PLD5: variants seen among roughly 807,000 people sequenced by gnomAD.
The protein encoded by PLD5 is inactive phospholipase D5.
A neutral mutation model predicts 61.1 loss-of-function variants in PLD5; 36 were observed. That is an observed-to-expected ratio of 0.59 (90% CI 0.45 to 0.78). The LOEUF (loss-of-function observed/expected upper bound fraction) is 0.78, where lower values mean the gene tolerates loss of function less well. Ranked by LOEUF, PLD5 falls within the 30% of genes least tolerant of loss-of-function variation. PLD5 has a pLI of 0.00. For missense variants in PLD5, 515 were observed against 644.4 expected (o/e 0.80, Z 2.17); for synonymous variants, 243 against 242.8 (o/e 1.00, Z -0.01).
chr1:242,473,888 G>GT (rs922884677), intron 1 of PLD5, among the ~76,000 whole-genome samples: 2 of 152,106 alleles, frequency 1.3e-5, no homozygotes, highest in African/African-American at 4.8e-5. Flanking sequence ...GTACCACTGA[G>GT]TTTTTTTAAA....
At chr1:242,467,381 T>C (rs1005766568) in intron 1 of PLD5, among the ~76,000 whole-genome samples, 5 of 152,192 alleles carry the variant, frequency 3.3e-5, no homozygotes, top group African/African-American at 4.8e-5. Context: ...GTGGTTATAG[T>C]AGTCTGTGCA....
rs1205545236 is a variant in PLD5, at chr1:242,125,141, C to A, written c.736-476G>T. 2.0e-5 allele frequency among the ~76,000 whole-genome samples: 3 copies of A among 152,150 alleles called. No individual in the cohort carries two copies. In the East Asian group the frequency reaches 5.8e-4, roughly 29 times the overall value. On this transcript the variant is annotated intron_variant, in intron 5 of 9. Transcript: ENST00000536534. ...TAGCTGTGTGACTTTGAACAACATACTTAATTTCTGGGCCTCAGCTTCTTC... is the reference window on the plus strand; with the variant it reads ...TAGCTGTGTGACTTTGAACAACATAATTAATTTCTGGGCCTCAGCTTCTTC...
intron 4 of PLD5, among the ~76,000 whole-genome samples, chr1:242,254,547 G>A (rs951852508): frequency 4.6e-5 from 7 of 152,108 alleles, no homozygotes; most frequent in African/African-American, 9.7e-5. Context: ...GTGGGCACCT[G>A]TAATCCCAGC....
chr1:242,448,030 ATTATTTAT>A lies in PLD5; in HGVS notation c.189+76050_189+76057del, dbSNP rs538224233. Among the ~76,000 whole-genome samples, 5 of 152,262 alleles carry A rather than the reference ATTATTTAT, an allele frequency of 3.3e-5. No homozygotes were observed. In the South Asian group the frequency reaches 1.0e-3, roughly 32 times the overall value. On this transcript the variant is annotated intron_variant, in intron 1 of 9. Transcript: ENST00000536534. ...TTTAATCCTCATGCTAGATATGTGC[ATTATTTAT>A]TTATTTATTTATTTATTTTTACCCA... is the stretch of plus-strand genomic sequence containing the variant.
intron 3 of PLD5, among the ~76,000 whole-genome samples, chr1:242,276,720 T>C (rs1228666977): frequency 1.3e-5 from 2 of 151,842 alleles, no homozygotes; most frequent in African/African-American, 4.8e-5. Context: ...AGCACCTTGA[T>C]TGACAGTACT....
chr1:242,240,067 C>CTAGT (rs1671898685), intron 4 of PLD5, among the ~76,000 whole-genome samples: 1 of 152,232 alleles, frequency 6.6e-6, no homozygotes, highest in Non-Finnish European at 1.5e-5. Flanking sequence ...CTGTTCTTAA[C>CTAGT]TGTCAACCTC....
chr1:242,508,899 G>A (rs981714998), intron 1 of PLD5, among the ~76,000 whole-genome samples: 1 of 152,146 alleles, frequency 6.6e-6, no homozygotes, highest in Non-Finnish European at 1.5e-5. Context: ...TGGCCAACGT[G>A]GGAAAACCCC....
chr1:242,390,090 ACTTT>A (rs1662842125), intron 1 of PLD5, among the ~76,000 whole-genome samples: 1 of 150,348 alleles, frequency 6.7e-6, no homozygotes, highest in Non-Finnish European at 1.5e-5. Context: ...GCGCCATCTC[ACTTT>A]GTCTCCCAGG....
intron 3 of PLD5, among the ~76,000 whole-genome samples, chr1:242,277,826 T>C (rs151201204): frequency 0.019 from 2,904 of 151,522 alleles, 82 homozygotes; most frequent in African/African-American, 0.063. Context: ...CTACTGAAAA[T>C]ACAAAAATTA....
intron 4 of PLD5, among the ~76,000 whole-genome samples, chr1:242,254,406 A>T (rs1350356706): frequency 6.6e-6 from 1 of 151,866 alleles, no homozygotes; most frequent in African/African-American, 2.4e-5. Context: ...GTGGTGGCTC[A>T]CGCCTGTAAT....
At chr1:242,304,423 T>C (rs1453850349) in intron 2 of PLD5, among the ~76,000 whole-genome samples, 3 of 152,220 alleles carry the variant, frequency 2.0e-5, no homozygotes, top group Non-Finnish European at 4.4e-5. Flanking sequence ...TTTTTCTAAA[T>C]GTATCTTTTC....
chr1:242,500,335 A>C (rs1668513550), intron 1 of PLD5, among the ~76,000 whole-genome samples: 1 of 152,256 alleles, frequency 6.6e-6, no homozygotes, highest in African/African-American at 2.4e-5. Context: ...TAGAAAACAC[A>C]GTTTATTTGG....
At chr1:242,339,421 A>C (rs1374984331) in intron 2 of PLD5, among the ~76,000 whole-genome samples, 1 of 152,190 alleles carries the variant, frequency 6.6e-6, no homozygotes, top group Non-Finnish European at 1.5e-5. Flanking sequence ...AAAAGTGAAG[A>C]ATCAAAGAGG....
intron 1 of PLD5, among the ~76,000 whole-genome samples, chr1:242,481,560 G>A (rs567628614): frequency 9.2e-5 from 14 of 152,340 alleles, no homozygotes; most frequent in East Asian, 7.7e-4. Context: ...AAAGCAGCTG[G>A]GAAGCTCGAA....
At chr1:242,354,550 C>A (rs530811900) in intron 1 of PLD5, among the ~76,000 whole-genome samples, 2 of 152,184 alleles carry the variant, frequency 1.3e-5, no homozygotes. Context: ...CTGGGGTCTT[C>A]TGTCCTACAA....
chr1:242,436,960 T>C (rs1033888995), intron 1 of PLD5, among the ~76,000 whole-genome samples: 3 of 152,188 alleles, frequency 2.0e-5, no homozygotes, highest in Non-Finnish European at 4.4e-5. Flanking sequence ...GGCTAAACCA[T>C]CAGACAACGT....
rs182540018 is a variant in PLD5, at chr1:242,198,906, G to T, written c.735+21082C>A. On this transcript the variant is annotated intron_variant, in intron 5 of 9. Transcript: ENST00000536534. ...TGTGCCACCACGCCCAGCTAATTTT[G>T]TATTTTTAGTACAGACGGGGTTTCT... Among the ~76,000 whole-genome samples the T allele has an allele frequency of 2.6e-3, 396 of 151,558 alleles. 1 individual carries two copies. The highest frequency in any genetic ancestry group is 9.3e-3 in the African/African-American group (383 of 41,284).
intron 1 of PLD5, among the ~76,000 whole-genome samples, chr1:242,374,356 T>C (rs927714582): frequency 6.6e-6 from 1 of 152,202 alleles, no homozygotes; most frequent in Non-Finnish European, 1.5e-5. Flanking sequence ...AGTTCCTCCA[T>C]TGATCGGAGA....
At chr1:242,122,405 T>C (rs1460458871) in intron 6 of PLD5, among the ~76,000 whole-genome samples, 1 of 152,200 alleles carries the variant, frequency 6.6e-6, no homozygotes, top group African/African-American at 2.4e-5. Context: ...TCAAAATTTG[T>C]TCATTAATTC....
Sources: allele counts gnomAD v4.1 joint callset (sites outside exome capture counted in the v4.1 genomes callset), GRCh38; gene constraint gnomAD v4.1.1; transcripts MANE v1.5; gene names NCBI Gene and HGNC (gene_info 2026-07-23, HGNC 2026-07-21).